The following CACNA2D3 variants were observed in gnomAD, a reference collection of about 807,000 sequenced individuals.
The protein encoded by CACNA2D3 is calcium voltage-gated channel auxiliary subunit alpha2delta 3.
A neutral mutation model predicts 160.6 loss-of-function variants in CACNA2D3; 60 were observed. The ratio of observed to expected loss-of-function variants is 0.37; its 90% confidence interval spans 0.30 to 0.46. CACNA2D3 has a LOEUF of 0.46. CACNA2D3 is among the 20% of genes least tolerant of loss of function. CACNA2D3 has a pLI of 1.00. For missense variants in CACNA2D3, 1,205 were observed against 1,365.0 expected (o/e 0.88, Z 1.85); for synonymous variants, 558 against 492.9 (o/e 1.13, Z -1.75).
At chr3:54,554,800 G>A (rs1702214674) in intron 5 of CACNA2D3, among the ~76,000 whole-genome samples, 2 of 151,524 alleles carry the variant, frequency 1.3e-5, no homozygotes, top group Non-Finnish European at 2.9e-5. Context: ...ACCCTGATGT[G>A]GAGAACATGG....
intron 3 of CACNA2D3, among the ~76,000 whole-genome samples, chr3:54,366,358 CCATTACTCTA>C (rs1698827673): frequency 6.6e-6 from 1 of 152,126 alleles, no homozygotes; most frequent in African/African-American, 2.4e-5. Context: ...CTAACTTTTC[CCATTACTCTA>C]CACTTCATCT....
intron 2 of CACNA2D3, among the ~76,000 whole-genome samples, chr3:54,182,420 A>G (rs1291432161): frequency 1.3e-5 from 2 of 152,218 alleles, no homozygotes; most frequent in Non-Finnish European, 2.9e-5. Context: ...TACTGTAATA[A>G]ATAAAATCAG....
intron 35 of CACNA2D3, among the ~76,000 whole-genome samples, chr3:55,049,737 T>C (rs1212951674): frequency 1.3e-5 from 2 of 149,336 alleles, no homozygotes; most frequent in Non-Finnish European, 1.5e-5. Context: ...TGTGGGAGTC[T>C]AAGTCTCTTT....
At chr3:54,665,794 T>A (rs936679153) in intron 11 of CACNA2D3, among the ~76,000 whole-genome samples, 19 of 151,704 alleles carry the variant, frequency 1.3e-4, no homozygotes, top group Non-Finnish European at 2.4e-4. Flanking sequence ...TGGTTATTTT[T>A]TTTTTTTTTT....
chr3:54,883,829 T>TCTCTCTCTCTCTCTCTCTCTCTCC (rs753661413), intron 21 of CACNA2D3, among the ~76,000 whole-genome samples: 26 of 145,788 alleles, frequency 1.8e-4, no homozygotes, highest in African/African-American at 5.7e-4. Context: ...CTCTCCTCTC[T>TCTCTCTCTCTCTCTCTCTCTCTCC]CTCCCTTCAA....
rs1700101803 is a variant in CACNA2D3 at position 54,668,171 on chromosome 3, G to T, written c.1167+25930G>T. On this transcript the variant is annotated intron_variant, in intron 11 of 37. Transcript: ENST00000474759. ...AAGCAAATCCTCTGAGCATGGGAGA[G>T]AATGCCTTAAATATTAGTAAGAAGT... Among the ~76,000 whole-genome samples the T allele has an allele frequency of 3.3e-5, 5 of 152,310 alleles. No homozygotes were observed. The South Asian group carries it at 1.0e-3, about 32-fold the overall frequency.
chr3:54,303,899 T>C (rs978573454), intron 2 of CACNA2D3, among the ~76,000 whole-genome samples: 1 of 144,262 alleles, frequency 6.9e-6, no homozygotes, highest in Non-Finnish European at 1.5e-5. Context: ...AACCTCTCCA[T>C]GGAAGAGTCC....
At chr3:54,781,423 C>T (rs1349919957) in intron 13 of CACNA2D3, among the ~76,000 whole-genome samples, 1 of 152,194 alleles carries the variant, frequency 6.6e-6, no homozygotes, top group Admixed American at 6.6e-5. Flanking sequence ...CTGGATTGCC[C>T]TTCTCTGTCT....
At chr3:55,003,620 A>T (rs1575430982) in intron 31 of CACNA2D3, among the ~76,000 whole-genome samples, 1 of 152,172 alleles carries the variant, frequency 6.6e-6, no homozygotes, top group Admixed American at 6.5e-5. Flanking sequence ...TACTTGAGGG[A>T]TAATAAATGA....
chr3:55,045,963 A>G (rs565719137), intron 35 of CACNA2D3, among the ~76,000 whole-genome samples: 7 of 152,036 alleles, frequency 4.6e-5, no homozygotes, highest in African/African-American at 1.7e-4. Flanking sequence ...AGTTTCTTAT[A>G]GTAGAAACTC....
intron 4 of CACNA2D3, among the ~76,000 whole-genome samples, chr3:54,394,050 T>C (rs567165246): frequency 9.9e-5 from 15 of 152,282 alleles, no homozygotes; most frequent in Middle Eastern, 3.4e-3. Context: ...CACTATGAGG[T>C]AGGCATCTCA....
At chr3:54,619,563 C>T (rs753819347) in intron 9 of CACNA2D3, among the ~76,000 whole-genome samples, 3 of 152,226 alleles carry the variant, frequency 2.0e-5, no homozygotes, top group Non-Finnish European at 4.4e-5. Context: ...GTTACACACA[C>T]GTAAAGGACA....
At chr3:54,868,483 A>G (rs1452149601) in intron 17 of CACNA2D3, among the ~76,000 whole-genome samples, 1 of 152,150 alleles carries the variant, frequency 6.6e-6, no homozygotes, top group Non-Finnish European at 1.5e-5. Context: ...TATCTTGAAT[A>G]CCTTTTTGGT....
chr3:54,742,800 A>G lies in CACNA2D3; in HGVS notation c.1168-9799A>G, dbSNP rs182377379. On this transcript the variant is annotated intron_variant, in intron 11 of 37. Coordinates refer to ENST00000474759, the MANE Select transcript of CACNA2D3 (RefSeq NM_018398.3). ...ATCAAGAGGCAGGCACCTAAGAAGAAATATTATAATACTGATCTTCCATCC... is the reference window on the plus strand; with the variant it reads ...ATCAAGAGGCAGGCACCTAAGAAGAGATATTATAATACTGATCTTCCATCC... Among the ~76,000 whole-genome samples the G allele has an allele frequency of 2.4e-4, 37 of 152,368 alleles. No individual in the cohort carries two copies. In the East Asian group the frequency reaches 6.0e-3, roughly 25 times the overall value.
Position 55,074,351 on chromosome 3 carries a change from G to GTGATATAAACTCTTAAAGATA in CACNA2D3, c.*148_*168dup, listed in dbSNP as rs1268362806. On this transcript the variant is annotated 3_prime_UTR_variant, in exon 38 of 38. Coordinates refer to ENST00000474759, the MANE Select transcript of CACNA2D3 (RefSeq NM_018398.3). ...ATCTCATCATGATTTTAAACTGTGCGTGATATAAACTCTTAAAGATATGTT... is the reference window on the plus strand; with the variant it reads ...ATCTCATCATGATTTTAAACTGTGCGTGATATAAACTCTTAAAGATATGATATAAACTCTTAAAGATATGTT... 45 of 673,732 alleles carry GTGATATAAACTCTTAAAGATA rather than the reference G, an allele frequency of 6.7e-5. No individual in the cohort carries two copies. The highest frequency in any genetic ancestry group is 1.1e-4 in the Non-Finnish European group (40 of 378,432). The allele number at this position is 673,732 out of a possible 1,614,324, so 41.7% of individuals were successfully genotyped here.
chr3:54,696,615 C>A (rs1254023957), intron 11 of CACNA2D3, among the ~76,000 whole-genome samples: 1 of 152,122 alleles, frequency 6.6e-6, no homozygotes, highest in Non-Finnish European at 1.5e-5. Flanking sequence ...CACTGTCCCC[C>A]ACTCACCTTT....
intron 27 of CACNA2D3, among the ~76,000 whole-genome samples, chr3:54,932,430 A>T (rs1472186831): frequency 1.3e-5 from 2 of 152,158 alleles, no homozygotes; most frequent in East Asian, 3.9e-4. Context: ...TGGAGGGGAG[A>T]CTAAAGAAAA....
intron 3 of CACNA2D3, among the ~76,000 whole-genome samples, chr3:54,374,714 C>T (rs1698980255): frequency 6.6e-6 from 1 of 152,116 alleles, no homozygotes; most frequent in African/African-American, 2.4e-5. Context: ...AAGTAATTAC[C>T]TTTGCACCCA....
In CACNA2D3 at chr3:54,460,567, C is replaced by T. The variant is rs1700483703; in HGVS notation, c.382-42925C>T. On this transcript the variant is annotated intron_variant, in intron 4 of 37. Transcript: ENST00000474759. ...GAATGGGAGTTCACTCATGATTTGG[C>T]TCTCTGTTTGTCCATTATTGGTGTA... Among the ~76,000 whole-genome samples the T allele has an allele frequency of 2.0e-5, 3 of 152,162 alleles. 1 individual carries two copies. Among genetic ancestry groups the T allele is most frequent in the South Asian group, 4.1e-4 (2 of 4,826 alleles).
Sources: allele counts gnomAD v4.1 joint callset (sites outside exome capture counted in the v4.1 genomes callset), GRCh38; gene constraint gnomAD v4.1.1; transcripts MANE v1.5; gene names NCBI Gene and HGNC (gene_info 2026-07-23, HGNC 2026-07-21).